Variants in TBC1D4 observed in about 807,000 individuals in gnomAD.
The protein encoded by TBC1D4 is TBC1 domain family member 4.
TBC1D4 carries 121 observed loss-of-function variants against 142.5 expected under a neutral mutation model. The observed-to-expected ratio is 0.85, with a 90% confidence interval of 0.73 to 0.99. The LOEUF is 0.99. Ranked by LOEUF, TBC1D4 falls within the 50% of genes least tolerant of loss-of-function variation. TBC1D4 has a pLI of 0.00. For synonymous variants in TBC1D4, 630 were observed against 628.2 expected, an observed-to-expected ratio of 1.00 and a Z score of -0.04; for missense variants, 1,475 against 1,606.6, an observed-to-expected ratio of 0.92 and a Z score of 1.40.
At chr13:75,438,310 C>T (rs752263035) in intron 1 of TBC1D4, among the ~76,000 whole-genome samples, 7 of 152,166 alleles carry the variant, frequency 4.6e-5, no homozygotes, top group Non-Finnish European at 8.8e-5. Flanking sequence ...TTGAGCAATG[C>T]TTATGTTCAA....
At chr13:75,287,261 C>G (rs1277414835) in intron 20 of TBC1D4, among the ~76,000 whole-genome samples, 1 of 152,202 alleles carries the variant, frequency 6.6e-6, no homozygotes, top group Non-Finnish European at 1.5e-5. Context: ...AATCACCCCC[C>G]TCACCAACAG....
In TBC1D4 at chr13:75,288,985, C is replaced by T; in HGVS notation, c.3612G>A (p.Arg1204=). 6.2e-7 allele frequency: 1 copy of T among 1,613,698 alleles called. No individual in the cohort carries two copies. The highest frequency in any genetic ancestry group is 1.1e-5 in the South Asian group (1 of 91,060). The change falls in exon 20 of 21, where the codon AGG becomes AGA. Residue 1204 remains arginine, a synonymous_variant. Coordinates refer to ENST00000377636, the MANE Select transcript of TBC1D4 (RefSeq NM_014832.5). Reference sequence around the variant, plus strand: ...TTTGTCTTTTCAGTTGGCTATTGGCCCTCTCCAGCTTCTCCAAAGTTTCAC... The same window carrying T: ...TTTGTCTTTTCAGTTGGCTATTGGCTCTCTCCAGCTTCTCCAAAGTTTCAC... ...EDSETLEKLE[R]ANSQLKRQNM...
At chr13:75,427,594 C>T (rs1886430228) in intron 1 of TBC1D4, among the ~76,000 whole-genome samples, 1 of 152,174 alleles carries the variant, frequency 6.6e-6, no homozygotes, top group Non-Finnish European at 1.5e-5. Context: ...GAACCTCACA[C>T]CTCTGCTGCT....
intron 1 of TBC1D4, among the ~76,000 whole-genome samples, chr13:75,452,900 C>T (rs754381491): frequency 6.6e-6 from 1 of 152,078 alleles, no homozygotes; most frequent in African/African-American, 2.4e-5. Flanking sequence ...GATGAGGAAG[C>T]CTGAGGCGGC....
At chr13:75,436,746 T>C (rs929795440) in intron 1 of TBC1D4, among the ~76,000 whole-genome samples, 1 of 152,134 alleles carries the variant, frequency 6.6e-6, no homozygotes, top group Non-Finnish European at 1.5e-5. Context: ...GGGTAAAATG[T>C]TTGATTAAAA....
intron 2 of TBC1D4, among the ~76,000 whole-genome samples, chr13:75,360,149 A>T (rs949412739): frequency 6.6e-6 from 1 of 152,218 alleles, no homozygotes; most frequent in Non-Finnish European, 1.5e-5. Flanking sequence ...AAAAATATGC[A>T]AACTTTCCTC....
chr13:75,414,465 A>C, intron 1 of TBC1D4, among the ~76,000 whole-genome samples: 1 of 152,196 alleles, frequency 6.6e-6, no homozygotes, highest in East Asian at 1.9e-4. Context: ...GAAGTATTTT[A>C]GGACAATTAA....
At chr13:75,420,062 T>C (rs1177754715) in intron 1 of TBC1D4, among the ~76,000 whole-genome samples, 2 of 152,014 alleles carry the variant, frequency 1.3e-5, no homozygotes, top group African/African-American at 4.8e-5. Context: ...GGGAGGAACA[T>C]ATCAGAAGAA....
intron 1 of TBC1D4, among the ~76,000 whole-genome samples, chr13:75,434,880 G>A (rs943870127): frequency 6.6e-6 from 1 of 150,692 alleles, no homozygotes; most frequent in Non-Finnish European, 1.5e-5. Context: ...TGGTACGGTG[G>A]CTCATGACTG....
At chr13:75,303,243 G>C (rs1411399154) in intron 15 of TBC1D4, among the ~76,000 whole-genome samples, 1 of 152,040 alleles carries the variant, frequency 6.6e-6, no homozygotes, top group Non-Finnish European at 1.5e-5. Flanking sequence ...TTTGAACCTG[G>C]GGGACACAGG....
intron 17 of TBC1D4, among the ~76,000 whole-genome samples, chr13:75,296,056 T>G (rs1875884802): frequency 6.6e-6 from 1 of 151,250 alleles, no homozygotes; most frequent in Non-Finnish European, 1.5e-5. Flanking sequence ...AATCAAAAAC[T>G]ATGCAAAAAT....
In TBC1D4 at chr13:75,461,135, T is replaced by A. The variant is rs540312110; in HGVS notation, c.498+20135A>T. On this transcript the variant is annotated intron_variant, in intron 1 of 20. Coordinates refer to ENST00000377636, the MANE Select transcript of TBC1D4 (RefSeq NM_014832.5). Reference sequence around the variant, plus strand: ...ATCATTATCACTGAAGCCACTCGCTTACAAAAGAGTGAATCTAACTATTCT... The same window carrying A: ...ATCATTATCACTGAAGCCACTCGCTAACAAAAGAGTGAATCTAACTATTCT... Among the ~76,000 whole-genome samples, 3 of 152,344 alleles carry A rather than the reference T, an allele frequency of 2.0e-5. No individual in the cohort carries two copies. The East Asian group carries it at 5.8e-4, about 29-fold the overall frequency.
At chr13:75,370,699 G>C (rs543209821) in intron 1 of TBC1D4, among the ~76,000 whole-genome samples, 1 of 152,264 alleles carries the variant, frequency 6.6e-6, no homozygotes, top group Non-Finnish European at 1.5e-5. Context: ...CCGCGTTTTG[G>C]ACACATTAAT....
At position 75,481,589 on chromosome 13, in the gene TBC1D4, G is replaced by A; in HGVS notation, c.179C>T (p.Ala60Val). Reference protein sequence around the residue: ...TTLPMLPWLMAEIRRRSQKPE... With the variant: ...TTLPMLPWLMVEIRRRSQKPE... The stretch of plus-strand genomic sequence containing the variant: ...CTTCTGGCTGCGCCTGCGGATCTCG[G>A]CCATGAGCCAGGGCAGCATAGGCAG... Residue 60 changes from alanine (A) to valine (V), a missense_variant, in exon 1 of 21, where the codon GCC becomes GTC. Ala to Val is a moderately conservative substitution (Grantham distance 64, BLOSUM62 0). This residue lies in a region of TBC1D4 where 1,227 missense variants were observed against 1,267.7 expected (regional missense o/e 0.97). Transcript: ENST00000377636. 6.2e-7 allele frequency: 1 copy of A among 1,606,274 alleles called. No individual in the cohort carries two copies. The highest frequency in any genetic ancestry group is 8.5e-7 in the Non-Finnish European group (1 of 1,176,790).
chr13:75,361,021 T>A (rs932416508), intron 2 of TBC1D4, among the ~76,000 whole-genome samples: 1 of 152,174 alleles, frequency 6.6e-6, no homozygotes, highest in African/African-American at 2.4e-5. Context: ...GAAACTCAAA[T>A]CTCACAAGCT....
rs75291643 is a variant in TBC1D4, at chr13:75,409,454, C to T, written c.499-46847G>A. Among the ~76,000 whole-genome samples, 447 of 152,186 alleles carry T rather than the reference C, an allele frequency of 2.9e-3. 3 individuals are homozygous for T. Among genetic ancestry groups the T allele is most frequent in the African/African-American group, 0.01 (434 of 41,518 alleles). On this transcript the variant is annotated intron_variant, in intron 1 of 20. Coordinates refer to ENST00000377636, the MANE Select transcript of TBC1D4 (RefSeq NM_014832.5). ...TAATCTGTTCTTCCATTTCAGTAGC[C>T]CATTTCAAATCAAACATTCCATTCC...
chr13:75,457,192 G>A lies in TBC1D4; in HGVS notation c.498+24078C>T, dbSNP rs1304874009. 3.9e-5 allele frequency among the ~76,000 whole-genome samples: 6 copies of A among 152,134 alleles called. No individual in the cohort carries two copies. The South Asian group carries it at 1.0e-3, about 26-fold the overall frequency. On this transcript the variant is annotated intron_variant, in intron 1 of 20. Coordinates refer to ENST00000377636, the MANE Select transcript of TBC1D4 (RefSeq NM_014832.5). ...CTGGAAATATTCTACATTTTAATAT[G>A]GATGTCGGTGACATGGGATATATAT...
chr13:75,357,900 A>G (rs1397923511), intron 3 of TBC1D4, among the ~76,000 whole-genome samples: 1 of 152,242 alleles, frequency 6.6e-6, no homozygotes, highest in African/African-American at 2.4e-5. Context: ...CTGAACCAGA[A>G]TATCAGAATG....
At chr13:75,348,583 G>A (rs1304327995) in intron 5 of TBC1D4, among the ~76,000 whole-genome samples, 1 of 152,106 alleles carries the variant, frequency 6.6e-6, no homozygotes, top group African/African-American at 2.4e-5. Flanking sequence ...AGGAAGTTGA[G>A]TCACAGGATC....
Sources: allele counts gnomAD v4.1 joint callset (sites outside exome capture counted in the v4.1 genomes callset), GRCh38; gene constraint gnomAD v4.1.1; regional missense constraint gnomAD v4.1.1; transcripts MANE v1.5; gene names NCBI Gene and HGNC (gene_info 2026-07-23, HGNC 2026-07-21).